The following KCNJ5 variants were observed in gnomAD, a reference collection of about 807,000 sequenced individuals.
The protein encoded by KCNJ5 is G protein-activated inward rectifier potassium channel 4.
In KCNJ5, 12 loss-of-function variants were observed where a neutral mutation model predicts 20.2. The ratio of observed to expected loss-of-function variants is 0.59; its 90% confidence interval spans 0.38 to 0.96. KCNJ5 has a LOEUF of 0.96. Ranked by LOEUF, KCNJ5 falls within the 40% of genes least tolerant of loss-of-function variation. The pLI is 0.00. For synonymous variants in KCNJ5, 210 were observed against 213.9 expected (o/e 0.98, Z 0.16); for missense variants, 449 against 557.6 (o/e 0.81, Z 1.96).
intron 1 of KCNJ5, among the ~76,000 whole-genome samples, chr11:128,909,108 T>A (rs565515227): frequency 1.7e-4 from 26 of 152,294 alleles, no homozygotes; most frequent in African/African-American, 6.3e-4. Flanking sequence ...CCTTTTGATA[T>A]GATGTTTTAA....
Position 128,894,970 on chromosome 11 carries a change from C to T in KCNJ5, c.-11+3249C>T, listed in dbSNP as rs561886162. ...GTTAACTTCCATTATCGTTCCAGGC[C>T]AGAGCAAGCTGAGGGCAAAGGTCAT... On this transcript the variant is annotated intron_variant, in intron 1 of 2. Coordinates refer to ENST00000529694, the MANE Select transcript of KCNJ5 (RefSeq NM_000890.5). 6.6e-5 allele frequency among the ~76,000 whole-genome samples: 10 copies of T among 152,276 alleles called. No individual in the cohort carries two copies. The East Asian group carries it at 1.7e-3, about 26-fold the overall frequency.
At chr11:128,901,906 G>T (rs775837292) in intron 1 of KCNJ5, 4 of 154,434 alleles carry the variant, frequency 2.6e-5, no homozygotes, top group Admixed American at 2.5e-4. Flanking sequence ...GGACAGCTCC[G>T]CGGGGATGAA....
chr11:128,912,098 C>A lies in KCNJ5; in HGVS notation c.825C>A (p.Ile275=), dbSNP rs113012271. The A allele has an allele frequency of 7.7e-5, 124 of 1,613,818 alleles. No individual in the cohort carries two copies. In the African/African-American group the frequency reaches 1.4e-3, roughly 19 times the overall value. Residue 275 remains isoleucine, a synonymous_variant, in exon 2 of 3, where the codon ATC becomes ATA. Transcript: ENST00000529694. ...DDRLFLVSPL[I]ISHEINQKSP... The stretch of plus-strand genomic sequence containing the variant: ...GCCTCTTCCTTGTGTCTCCTCTGAT[C>A]ATCTCCCATGAGATCAACCAGAAGA...
At chr11:128,903,540 G>A in intron 1 of KCNJ5, 3 of 1,612,276 alleles carry the variant, frequency 1.9e-6, no homozygotes, top group Non-Finnish European at 2.5e-6. Flanking sequence ...CAGTGAAGGG[G>A]TGTTAAGAAT....
At position 128,911,586 on chromosome 11, in the gene KCNJ5, G is replaced by A. The variant is rs768906222; in HGVS notation, c.313G>A (p.Gly105Ser). The A allele has an allele frequency of 1.4e-5, 23 of 1,614,178 alleles. No individual in the cohort carries two copies. Among genetic ancestry groups the A allele is most frequent in the South Asian group, 2.2e-5 (2 of 91,080 alleles). Reference sequence around the variant, plus strand: ...TTACACTGTCACCTGGCTGTTCTTCGGCTTCATTTGGTGGCTCATTGCTTA... The same window carrying A: ...TTACACTGTCACCTGGCTGTTCTTCAGCTTCATTTGGTGGCTCATTGCTTA... ...MVYTVTWLFF[G>S]FIWWLIAYIR... The change falls in exon 2 of 3, where the codon GGC becomes AGC. Residue 105 changes from glycine (G) to serine (S), a missense_variant. By Grantham distance (56) the Gly-to-Ser change is moderately conservative. Coordinates refer to ENST00000529694, the MANE Select transcript of KCNJ5 (RefSeq NM_000890.5). This position sits in a 1 kb window ranked among gnomAD's most constrained non-coding sequence, Gnocchi z 6.3.
chr11:128,915,116 GT>G (rs1944557881), intron 2 of KCNJ5, among the ~76,000 whole-genome samples: 2 of 152,374 alleles, frequency 1.3e-5, no homozygotes, highest in East Asian at 3.9e-4. Flanking sequence ...GCTGGAGACG[GT>G]TGCCTTCAGC....
At chr11:128,894,021 G>A (rs1022837547) in intron 1 of KCNJ5, among the ~76,000 whole-genome samples, 2 of 152,218 alleles carry the variant, frequency 1.3e-5, no homozygotes, top group African/African-American at 4.8e-5. Flanking sequence ...AGTCATCCGT[G>A]ATGAAGTAAA....
intron 1 of KCNJ5, among the ~76,000 whole-genome samples, chr11:128,905,387 G>A (rs1944386942): frequency 6.6e-6 from 1 of 152,190 alleles, no homozygotes; most frequent in Non-Finnish European, 1.5e-5. Flanking sequence ...CGTCCCCTGC[G>A]GGGTGAGGGG....
At chr11:128,903,853 C>T (rs1303121009) in intron 1 of KCNJ5, among the ~76,000 whole-genome samples, 2 of 152,116 alleles carry the variant, frequency 1.3e-5, no homozygotes, top group South Asian at 2.1e-4. Flanking sequence ...AGCTTGTGCA[C>T]AGCGGACCAC....
rs555020093 is a variant in KCNJ5, at chr11:128,898,355, TC to T, written c.-11+6635del. 5.4e-3 allele frequency among the ~76,000 whole-genome samples: 819 copies of T among 152,384 alleles called. 4 individuals are homozygous for T. The highest frequency in any genetic ancestry group is 8.0e-3 in the Non-Finnish European group (545 of 68,038). The stretch of plus-strand genomic sequence containing the variant: ...TTGGCATTTTGTAATTGTCAGCAGT[TC>T]TTTTTGCTCTGCCATGAACTAATTG... On this transcript the variant is annotated intron_variant, in intron 1 of 2. Transcript: ENST00000529694.
At chr11:128,916,079 T>C (rs1006992619) in intron 2 of KCNJ5, among the ~76,000 whole-genome samples, 9 of 126,194 alleles carry the variant, frequency 7.1e-5, no homozygotes, top group African/African-American at 2.7e-4. Flanking sequence ...TGCCTTTTTT[T>C]CCATATCTGG....
At chr11:128,908,586 C>T (rs1285815488) in intron 1 of KCNJ5, among the ~76,000 whole-genome samples, 3 of 152,188 alleles carry the variant, frequency 2.0e-5, no homozygotes, top group East Asian at 1.9e-4. Context: ...AACATTTTCC[C>T]GTTTCTAGTA....
intron 1 of KCNJ5, among the ~76,000 whole-genome samples, chr11:128,895,611 A>G (rs975947751): frequency 6.6e-6 from 1 of 152,244 alleles, no homozygotes; most frequent in African/African-American, 2.4e-5. Context: ...AACTCCCTCA[A>G]AAATGAGTAG....
chr11:128,904,806 TTCACACCTAC>T (rs1471933978), intron 1 of KCNJ5, among the ~76,000 whole-genome samples: 1 of 152,154 alleles, frequency 6.6e-6, no homozygotes, highest in Admixed American at 6.5e-5. Flanking sequence ...CCACTGGGAT[TTCACACCTAC>T]TCCATCATGT....
chr11:128,899,835 A>G (rs919133864), intron 1 of KCNJ5: 3 of 152,228 alleles, frequency 2.0e-5, no homozygotes, highest in Admixed American at 6.5e-5. Flanking sequence ...TTTTGCAAGT[A>G]AGCCAAGCGA....
chr11:128,895,892 AG>A (rs1369107366), intron 1 of KCNJ5, among the ~76,000 whole-genome samples: 1 of 152,126 alleles, frequency 6.6e-6, no homozygotes, highest in Non-Finnish European at 1.5e-5. Context: ...GAGCCCAGGG[AG>A]GGGTTTGGAA....
chr11:128,902,599 G>A (rs776749214), intron 1 of KCNJ5: 1 of 1,613,164 alleles, frequency 6.2e-7, no homozygotes, highest in East Asian at 2.2e-5. Context: ...CACTGAGGGG[G>A]TAGCCCAGGC....
At position 128,904,284 on chromosome 11, in the gene KCNJ5, G is replaced by A. The variant is rs1287199204; in HGVS notation, c.-10-6980G>A. The A allele has an allele frequency of 7.5e-6, 9 of 1,196,446 alleles. No homozygotes were observed. The African/African-American group carries it at 7.7e-5, about 10-fold the overall frequency. The allele number at this position is 1,196,446 out of a possible 1,614,324, so 74.1% of individuals were successfully genotyped here. A position where few individuals can be genotyped will look rare whatever the true frequency, so the allele number is the denominator to read the frequency against. On this transcript the variant is annotated intron_variant, in intron 1 of 2. Coordinates refer to ENST00000529694, the MANE Select transcript of KCNJ5 (RefSeq NM_000890.5). Reference sequence around the variant, plus strand: ...ACCAGGGCCTTCCTGACTCTTCCTCGCCCACCCCAGACAAGCCAAATTCAG... The same window carrying A: ...ACCAGGGCCTTCCTGACTCTTCCTCACCCACCCCAGACAAGCCAAATTCAG...
At chr11:128,909,854 C>T (rs1338853413) in intron 1 of KCNJ5, 1 of 152,188 alleles carries the variant, frequency 6.6e-6, no homozygotes, top group Non-Finnish European at 1.5e-5. Flanking sequence ...TTTCCCAGGG[C>T]CAGAAGCTCA....
Sources: allele counts gnomAD v4.1 joint callset (sites outside exome capture counted in the v4.1 genomes callset), GRCh38; gene constraint gnomAD v4.1.1; non-coding constraint Gnocchi (gnomAD v3.1); transcripts MANE v1.5; gene names NCBI Gene and HGNC (gene_info 2026-07-23, HGNC 2026-07-21).